PDE4D: variants seen among roughly 807,000 people sequenced by gnomAD.
PDE4D encodes 3',5'-cyclic-AMP phosphodiesterase 4D.
Under a neutral mutation model 87.4 loss-of-function variants are expected in PDE4D, and 24 were observed. That is an observed-to-expected ratio of 0.27 (90% CI 0.20 to 0.39). The LOEUF (loss-of-function observed/expected upper bound fraction) is 0.39. Ranked by LOEUF, PDE4D falls within the 10% of genes least tolerant of loss-of-function variation. The pLI is 1.00. For synonymous variants in PDE4D, 384 were observed against 383.2 expected (o/e 1.00, Z -0.02); for missense variants, 714 against 1,041.0 (o/e 0.69, Z 4.32).
intron 2 of PDE4D, among the ~76,000 whole-genome samples, chr5:60,100,125 T>C (rs851285): frequency 0.035 from 5,305 of 152,118 alleles, 432 homozygotes; most frequent in East Asian, 0.32. Flanking sequence ...GTATGTTTTA[T>C]TAATTGGTAA....
At chr5:59,360,617 T>A (rs371695941) in intron 1 of PDE4D, among the ~76,000 whole-genome samples, 4 of 152,206 alleles carry the variant, frequency 2.6e-5, no homozygotes, top group African/African-American at 4.8e-5. Context: ...ACATTACTTA[T>A]CAAAATCAAC....
intron 1 of PDE4D, among the ~76,000 whole-genome samples, chr5:59,680,936 G>A (rs1164959561): frequency 2.6e-5 from 4 of 152,012 alleles, no homozygotes; most frequent in Non-Finnish European, 5.9e-5. Flanking sequence ...TATACCCATG[G>A]ATATAGGTAT....
chr5:59,471,440 G>A (rs1173325469), intron 1 of PDE4D, among the ~76,000 whole-genome samples: 1 of 152,218 alleles, frequency 6.6e-6, no homozygotes, highest in East Asian at 1.9e-4. Context: ...TTGGGGTGGA[G>A]CTTGAGGAAA....
chr5:59,819,031 G>A (rs529166295), intron 1 of PDE4D, among the ~76,000 whole-genome samples: 2 of 152,254 alleles, frequency 1.3e-5, no homozygotes, highest in South Asian at 4.1e-4. Context: ...GATTATATGG[G>A]CTGACATTGT....
chr5:60,128,831 A>C (rs1357449074), intron 2 of PDE4D, among the ~76,000 whole-genome samples: 5 of 152,242 alleles, frequency 3.3e-5, no homozygotes, highest in Admixed American at 6.5e-5. Context: ...TGATACAGAC[A>C]GAATGATCAA....
At chr5:59,393,572 T>C (rs747848635) in intron 1 of PDE4D, among the ~76,000 whole-genome samples, 1 of 152,232 alleles carries the variant, frequency 6.6e-6, no homozygotes, top group African/African-American at 2.4e-5. Context: ...CTCATTCTAG[T>C]GAAGTCTTAC....
At chr5:59,503,578 C>G (rs1308893486) in intron 1 of PDE4D, among the ~76,000 whole-genome samples, 1 of 152,096 alleles carries the variant, frequency 6.6e-6, no homozygotes, top group Non-Finnish European at 1.5e-5. Context: ...TGAGTTTATT[C>G]CAAGTTCAAT....
intron 2 of PDE4D, among the ~76,000 whole-genome samples, chr5:60,090,640 C>A (rs1373808086): frequency 6.6e-6 from 1 of 152,072 alleles, no homozygotes; most frequent in Admixed American, 6.5e-5. Context: ...CCCACTTTTA[C>A]CACTGTTATT....
At chr5:59,695,576 T>C (rs1218195143) in intron 1 of PDE4D, among the ~76,000 whole-genome samples, 5 of 152,130 alleles carry the variant, frequency 3.3e-5, no homozygotes, top group Non-Finnish European at 7.4e-5. Context: ...ACTGGTGACA[T>C]ATTCAAAAAT....
intron 2 of PDE4D, among the ~76,000 whole-genome samples, chr5:60,094,598 T>A (rs1176001639): frequency 6.8e-6 from 1 of 146,932 alleles, no homozygotes; most frequent in African/African-American, 2.5e-5. Context: ...CTTTTTTTTT[T>A]TTTTTTTTTT....
At chr5:59,718,916 T>G (rs1475496217) in intron 1 of PDE4D, among the ~76,000 whole-genome samples, 1 of 151,962 alleles carries the variant, frequency 6.6e-6, no homozygotes, top group African/African-American at 2.4e-5. Flanking sequence ...TTTGAAAAAG[T>G]TCTCAGATCC....
At chr5:59,574,072 TTATATATATATTTATA>T (rs1822470480) in intron 1 of PDE4D, among the ~76,000 whole-genome samples, 4 of 12,346 alleles carry the variant, frequency 3.2e-4, no homozygotes, top group African/African-American at 9.5e-4. Context: ...ATATATATAT[TTATATATATATTTATA>T]TATATAAATA....
At chr5:60,170,267 C>T (rs1783294397) in intron 2 of PDE4D, among the ~76,000 whole-genome samples, 2 of 151,914 alleles carry the variant, frequency 1.3e-5, no homozygotes, top group South Asian at 4.1e-4. Flanking sequence ...GTCATTATCA[C>T]CTATATTACT....
At chr5:59,499,361 A>C (rs1210551340) in intron 1 of PDE4D, among the ~76,000 whole-genome samples, 5 of 150,958 alleles carry the variant, frequency 3.3e-5, no homozygotes, top group East Asian at 3.8e-4. Flanking sequence ...AAAAAAAAAA[A>C]AACAGAAAAA....
intron 1 of PDE4D, among the ~76,000 whole-genome samples, chr5:59,655,588 C>T (rs1440004970): frequency 6.6e-6 from 1 of 152,064 alleles, no homozygotes; most frequent in Admixed American, 6.5e-5. Context: ...CTTTATTTTG[C>T]TGTTATTGTT....
chr5:59,410,632 G>A (rs1453421598), intron 1 of PDE4D, among the ~76,000 whole-genome samples: 1 of 152,100 alleles, frequency 6.6e-6, no homozygotes, highest in Non-Finnish European at 1.5e-5. Context: ...TTAACATAAT[G>A]TCTTCCAGTT....
chr5:60,101,062 G>C (rs975775960), intron 2 of PDE4D, among the ~76,000 whole-genome samples: 1 of 152,104 alleles, frequency 6.6e-6, no homozygotes, highest in Non-Finnish European at 1.5e-5. Context: ...GGTCTAAATG[G>C]AGTTTGTGGG....
intron 1 of PDE4D, among the ~76,000 whole-genome samples, chr5:60,310,353 A>G (rs1287578778): frequency 1.3e-5 from 2 of 152,196 alleles, no homozygotes; most frequent in East Asian, 3.9e-4. Flanking sequence ...GATGGCCAGG[A>G]TAGTAGAGGG....
chr5:59,748,706 C>T (rs567088193), intron 1 of PDE4D, among the ~76,000 whole-genome samples: 3 of 151,956 alleles, frequency 2.0e-5, no homozygotes, highest in East Asian at 1.9e-4. Context: ...ATGTAAATGA[C>T]GAGTTAATAA....
Sources: gnomAD v4.1 joint callset for allele counts (sites outside exome capture counted in the v4.1 genomes callset) on GRCh38, gnomAD v4.1.1 for gene constraint, MANE v1.5 for transcripts, NCBI Gene and HGNC (gene_info 2026-07-23, HGNC 2026-07-21) for gene names.